Variants in CDH9 observed in about 807,000 individuals in gnomAD.
CDH9 encodes the protein cadherin-9.
A neutral mutation model predicts 70.9 loss-of-function variants in CDH9; 28 were observed. That is an observed-to-expected ratio of 0.40 (90% CI 0.29 to 0.54). CDH9 has a LOEUF of 0.54. CDH9 is among the 20% of genes least tolerant of loss of function. The pLI, the probability that CDH9 is intolerant of heterozygous loss-of-function variation, is 0.59. For missense variants in CDH9, 874 were observed against 984.4 expected, an observed-to-expected ratio of 0.89 and a Z score of 1.50; for synonymous variants, 409 against 343.1, an observed-to-expected ratio of 1.19 and a Z score of -2.12.
rs748211030 is a variant in CDH9, at chr5:26,972,510, C to CA, written c.228+15595dup. Among the ~76,000 whole-genome samples the CA allele has an allele frequency of 1.1e-4, 17 of 152,206 alleles. No homozygotes were observed. The East Asian group carries it at 1.6e-3, about 14-fold the overall frequency. ...TGCCATTGGCCCTGTGGAACCCCCC[C>CA]ACAAAAGAAAACTCAGCCAAAAAAG... is the stretch of plus-strand genomic sequence containing the variant. On this transcript the variant is annotated intron_variant, in intron 2 of 11. Transcript: ENST00000231021.
intron 2 of CDH9, among the ~76,000 whole-genome samples, chr5:26,981,434 C>T (rs1180944579): frequency 6.6e-6 from 1 of 152,006 alleles, no homozygotes; most frequent in Non-Finnish European, 1.5e-5. Context: ...AAAAAGAAGT[C>T]TGTACATTTT....
chr5:26,967,950 C>T (rs920289442), intron 2 of CDH9, among the ~76,000 whole-genome samples: 4 of 151,696 alleles, frequency 2.6e-5, no homozygotes, highest in South Asian at 2.1e-4. Context: ...TGGCCTCAAG[C>T]GATTCTCTCA....
At chr5:27,023,335 T>C (rs1743170994) in intron 1 of CDH9, among the ~76,000 whole-genome samples, 1 of 152,090 alleles carries the variant, frequency 6.6e-6, no homozygotes, top group African/African-American at 2.4e-5. Flanking sequence ...ATTTTTGTTT[T>C]AGGAAGATTT....
chr5:26,916,308 GAT>G (rs1741148560), intron 2 of CDH9, among the ~76,000 whole-genome samples: 1 of 151,936 alleles, frequency 6.6e-6, no homozygotes, highest in African/African-American at 2.4e-5. Flanking sequence ...TAAGCTCTAA[GAT>G]ATGATTTGAG....
intron 2 of CDH9, among the ~76,000 whole-genome samples, chr5:26,926,612 A>G (rs59347537): frequency 0.22 from 33,634 of 152,008 alleles, 3,873 homozygotes; most frequent in South Asian, 0.36. Flanking sequence ...TTCATATGGA[A>G]CCAAAAAAGA....
rs866625911 is a variant in CDH9 at position 26,883,076 on chromosome 5, T to G, written c.1883-1453A>C. Among the ~76,000 whole-genome samples, 96 of 128,370 alleles carry G rather than the reference T, an allele frequency of 7.5e-4. 9 individuals are homozygous for G. The highest frequency in any genetic ancestry group is 2.3e-3 in the African/African-American group (79 of 34,680). The allele number at this position is 128,370 out of a possible 152,430, so 84.2% of individuals were successfully genotyped here. A position where few individuals can be genotyped will look rare whatever the true frequency, so the allele number is the denominator to read the frequency against. The stretch of plus-strand genomic sequence containing the variant: ...ATATATATATATATATATATATATA[T>G]ATATATATATATATATATAAAACTG... On this transcript the variant is annotated intron_variant, in intron 11 of 11. Transcript: ENST00000231021.
intron 2 of CDH9, among the ~76,000 whole-genome samples, chr5:26,952,410 C>G (rs1480945319): frequency 8.0e-6 from 1 of 124,726 alleles, no homozygotes; most frequent in Non-Finnish European, 1.6e-5. Context: ...GTCAGGAGAT[C>G]GAGACCATCC....
chr5:26,902,370 A>G (rs1740871281), intron 7 of CDH9, 106 bp downstream of exon 7: 9 of 692,794 alleles, frequency 1.3e-5, no homozygotes, highest in Admixed American at 2.7e-5. Context: ...TATTGGTATT[A>G]TTACTGTGCT....
At chr5:26,912,963 CT>C (rs1433046527) in intron 3 of CDH9, among the ~76,000 whole-genome samples, 1 of 152,104 alleles carries the variant, frequency 6.6e-6, no homozygotes, top group East Asian at 1.9e-4. Context: ...CACAAGCTCT[CT>C]TTCTTTGCCT....
chr5:26,955,450 A>G (rs1475063455), intron 2 of CDH9, among the ~76,000 whole-genome samples: 1 of 152,184 alleles, frequency 6.6e-6, no homozygotes, highest in African/African-American at 2.4e-5. Context: ...ATTCATTTCC[A>G]TGCCTTTTTA....
chr5:26,940,505 CAAAAGGTTAT>C (rs1282091012), intron 2 of CDH9, among the ~76,000 whole-genome samples: 2 of 145,244 alleles, frequency 1.4e-5, no homozygotes, highest in African/African-American at 5.8e-5. Flanking sequence ...AATATCCTAC[CAAAAGGTTAT>C]AAAAGGTTAT....
intron 2 of CDH9, among the ~76,000 whole-genome samples, chr5:26,966,640 A>C (rs1742134584): frequency 6.6e-6 from 1 of 152,148 alleles, no homozygotes; most frequent in African/African-American, 2.4e-5. Flanking sequence ...CAACAGTAAA[A>C]TGTTCTTTCA....
At chr5:26,882,120 C>T (rs1740478474) in intron 11 of CDH9, among the ~76,000 whole-genome samples, 1 of 152,012 alleles carries the variant, frequency 6.6e-6, no homozygotes, top group South Asian at 2.1e-4. Flanking sequence ...TACATACACA[C>T]ATACATGAAT....
At chr5:26,893,353 A>T (rs1413455553) in intron 7 of CDH9, among the ~76,000 whole-genome samples, 4 of 152,158 alleles carry the variant, frequency 2.6e-5, no homozygotes, top group Non-Finnish European at 1.5e-5. Context: ...ATGGCTAAAA[A>T]CTTATATACT....
rs1221330777 is a variant in CDH9, at chr5:26,883,041, T to TTAGATATATA, written c.1883-1419_1883-1418insTATATATCTA. Reference sequence around the variant, plus strand: ...AAGCTGAGCTATATTCAGGATCATCTTATATATATATATATATATATATAT... The same window carrying TTAGATATATA: ...AAGCTGAGCTATATTCAGGATCATCTTAGATATATATATATATATATATATATATATATAT... On this transcript the variant is annotated intron_variant, in intron 11 of 11. Coordinates refer to ENST00000231021, the MANE Select transcript of CDH9 (RefSeq NM_016279.4). Among the ~76,000 whole-genome samples, 56 of 58,018 alleles carry TTAGATATATA rather than the reference T, an allele frequency of 9.7e-4. 12 individuals carry two copies. Among genetic ancestry groups the TTAGATATATA allele is most frequent in the South Asian group, 1.3e-3 (2 of 1,484 alleles). 38.1% of individuals were successfully genotyped at this position (58,018 alleles called of 152,430 possible).
intron 2 of CDH9, among the ~76,000 whole-genome samples, chr5:26,981,926 T>C (rs1434414670): frequency 6.6e-6 from 1 of 151,870 alleles, no homozygotes; most frequent in South Asian, 2.1e-4. Context: ...AGGGAGCACA[T>C]ACTGCTTTCA....
intron 2 of CDH9, among the ~76,000 whole-genome samples, chr5:26,980,943 T>C (rs1297359961): frequency 1.3e-5 from 2 of 152,090 alleles, no homozygotes. Flanking sequence ...TGCTCAGTTT[T>C]TTCAAAATTA....
intron 1 of CDH9, among the ~76,000 whole-genome samples, chr5:26,991,086 G>C (rs1032793066): frequency 3.9e-5 from 6 of 152,182 alleles, no homozygotes; most frequent in Non-Finnish European, 8.8e-5. Flanking sequence ...AACTGGTGCA[G>C]ACTAGAAAAT....
chr5:26,913,666 C>A (rs17563464), intron 3 of CDH9, among the ~76,000 whole-genome samples: 21,913 of 151,700 alleles, frequency 0.14, 2,144 homozygotes, highest in Non-Finnish European at 0.22. Context: ...ATATAAACTA[C>A]AAAACATCTT....
Sources: allele counts gnomAD v4.1 joint callset (sites outside exome capture counted in the v4.1 genomes callset), GRCh38; gene constraint gnomAD v4.1.1; transcripts MANE v1.5; gene names NCBI Gene and HGNC (gene_info 2026-07-23, HGNC 2026-07-21).